Variants in RANBP2 observed in about 807,000 individuals in gnomAD.
The protein encoded by RANBP2 is E3 SUMO-protein ligase RanBP2.
RANBP2 carries 57 observed loss-of-function variants against 303.6 expected under a neutral mutation model. The ratio of observed to expected loss-of-function variants is 0.19; its 90% confidence interval spans 0.15 to 0.23. The LOEUF (loss-of-function observed/expected upper bound fraction) is 0.23. RANBP2 is among the 10% of genes least tolerant of loss of function. RANBP2 has a pLI of 1.00. For synonymous variants in RANBP2, 1,167 were observed against 1,301.5 expected, an observed-to-expected ratio of 0.90 and a Z score of 2.23; for missense variants, 3,138 against 3,780.8, an observed-to-expected ratio of 0.83 and a Z score of 4.46.
At chr2:109,732,883 G>C in the RANBP2 span, 42 of 1,079,772 alleles carry the variant, frequency 3.9e-5, no homozygotes, top group South Asian at 4.8e-4. Context: ...CAGCAGGTGT[G>C]GTCTGAGAAC....
At chr2:108,862,887 T>C in the RANBP2 span, among the ~76,000 whole-genome samples, 1 of 152,172 alleles carries the variant, frequency 6.6e-6, no homozygotes, top group Non-Finnish European at 1.5e-5. Flanking sequence ...AAGAAAATCC[T>C]AGGAAATATT....
chr2:109,233,475 C>A, the RANBP2 span, among the ~76,000 whole-genome samples: 2 of 152,164 alleles, frequency 1.3e-5, no homozygotes, highest in African/African-American at 4.8e-5. Context: ...TCTGCCAGTG[C>A]AGTTTGGGGG....
At chr2:109,557,027 G>C in the RANBP2 span, among the ~76,000 whole-genome samples, 1 of 152,104 alleles carries the variant, frequency 6.6e-6, no homozygotes, top group Admixed American at 6.6e-5. Context: ...GTTGTGGGGT[G>C]GGGAGAGGCG....
chr2:109,387,105 C>T, the RANBP2 span, among the ~76,000 whole-genome samples: 1 of 152,096 alleles, frequency 6.6e-6, no homozygotes, highest in Non-Finnish European at 1.5e-5. Context: ...CGAGGTGAAA[C>T]GTTGTTAGCA....
the RANBP2 span, among the ~76,000 whole-genome samples, chr2:109,393,776 C>T: frequency 6.9e-4 from 105 of 152,084 alleles, no homozygotes; most frequent in Non-Finnish European, 1.1e-3. Flanking sequence ...AACTACTTTG[C>T]GCTGTTTTTC....
chr2:108,955,324 T>C, the RANBP2 span, among the ~76,000 whole-genome samples: 3 of 152,156 alleles, frequency 2.0e-5, no homozygotes, highest in Non-Finnish European at 4.4e-5. Flanking sequence ...CAAGGTAATA[T>C]AATTATTTTC....
the RANBP2 span, among the ~76,000 whole-genome samples, chr2:109,580,481 A>C: frequency 1.3e-5 from 2 of 151,906 alleles, no homozygotes; most frequent in Admixed American, 6.6e-5. Flanking sequence ...AAACAAAAAA[A>C]CCACAACAAA....
the RANBP2 span, among the ~76,000 whole-genome samples, chr2:109,338,667 C>T: frequency 9.8e-4 from 149 of 152,326 alleles, no homozygotes; most frequent in Middle Eastern, 3.4e-3. Flanking sequence ...AGGCAGTTCT[C>T]CTGCCTCAGC....
chr2:108,761,415 CT>C (rs1236563117), intron 18 of RANBP2, among the ~76,000 whole-genome samples: 9 of 152,100 alleles, frequency 5.9e-5, no homozygotes, highest in Admixed American at 2.6e-4. Flanking sequence ...TGGTTGTTTT[CT>C]GGTAAAACTA....
the RANBP2 span, among the ~76,000 whole-genome samples, chr2:109,345,776 T>A: frequency 5.9e-5 from 9 of 152,236 alleles, no homozygotes; most frequent in Admixed American, 1.3e-4. Context: ...TTTGTAAATT[T>A]AACCAAACAG....
At chr2:109,421,067 T>C in the RANBP2 span, among the ~76,000 whole-genome samples, 5 of 152,178 alleles carry the variant, frequency 3.3e-5, no homozygotes, top group Non-Finnish European at 7.3e-5. Context: ...TGCTCCTAGC[T>C]CAGTTCTGGC....
the RANBP2 span, among the ~76,000 whole-genome samples, chr2:109,269,403 C>T: frequency 6.6e-6 from 1 of 152,234 alleles, no homozygotes; most frequent in East Asian, 1.9e-4. Context: ...TTCTCCATGG[C>T]TCTGCTGGCC....
the RANBP2 span, among the ~76,000 whole-genome samples, chr2:109,635,128 C>G: frequency 2.0e-5 from 3 of 151,644 alleles, no homozygotes; most frequent in Non-Finnish European, 4.4e-5. Context: ...AAAGAAACTC[C>G]AGTGTTCAGC....
At chr2:109,137,026 A>T in the RANBP2 span, among the ~76,000 whole-genome samples, 1 of 152,248 alleles carries the variant, frequency 6.6e-6, no homozygotes, top group Non-Finnish European at 1.5e-5. Flanking sequence ...TACAGTGGAC[A>T]CTGGGGGCTC....
chr2:108,725,951 AT>A lies in RANBP2; in HGVS notation c.73-3174del, dbSNP rs1197509885. On this transcript the variant is annotated intron_variant, in intron 1 of 28. Transcript: ENST00000283195. ...TCCTTGTTTACATTTATTCCCAGGCATTTTTTTCTTTTAGATGCGATTGTAA... is the reference window on the plus strand; with the variant it reads ...TCCTTGTTTACATTTATTCCCAGGCATTTTTTCTTTTAGATGCGATTGTAA... Among the ~76,000 whole-genome samples the A allele has an allele frequency of 2.0e-5, 3 of 151,764 alleles. No individual in the cohort carries two copies. In the South Asian group the frequency reaches 6.2e-4, roughly 32 times the overall value.
the RANBP2 span, among the ~76,000 whole-genome samples, chr2:109,726,093 GTGTGTT>G: frequency 2.6e-5 from 4 of 150,956 alleles, no homozygotes; most frequent in African/African-American, 7.3e-5. Flanking sequence ...GTGTGTGTGT[GTGTGTT>G]TGTGTTTTCC....
At chr2:109,208,731 A>G in the RANBP2 span, among the ~76,000 whole-genome samples, 1 of 152,236 alleles carries the variant, frequency 6.6e-6, no homozygotes, top group Non-Finnish European at 1.5e-5. Flanking sequence ...GGAATATGCC[A>G]GTGTCTAATT....
the RANBP2 span, among the ~76,000 whole-genome samples, chr2:108,936,884 T>TA: frequency 6.6e-6 from 1 of 152,198 alleles, no homozygotes; most frequent in Non-Finnish European, 1.5e-5. Flanking sequence ...ATGCAGCACT[T>TA]AGTGTCCTGC....
the RANBP2 span, chr2:109,615,743 G>T: frequency 1.2e-6 from 2 of 1,614,026 alleles, no homozygotes; most frequent in African/African-American, 1.3e-5. Context: ...TTTCAAAGGT[G>T]CTTCCCTCGC....
Sources: allele counts gnomAD v4.1 joint callset (sites outside exome capture counted in the v4.1 genomes callset), GRCh38; gene constraint gnomAD v4.1.1; transcripts MANE v1.5; gene names NCBI Gene and HGNC (gene_info 2026-07-23, HGNC 2026-07-21).